The following PLCE1 variants were observed in gnomAD, a reference collection of about 807,000 sequenced individuals.
The protein encoded by PLCE1 is 1-phosphatidylinositol 4,5-bisphosphate phosphodiesterase epsilon-1.
A neutral mutation model predicts 242.8 loss-of-function variants in PLCE1; 119 were observed. The ratio of observed to expected loss-of-function variants is 0.49; its 90% CI spans 0.42 to 0.57. PLCE1 has a LOEUF of 0.57. Ranked by LOEUF, PLCE1 falls within the 20% of genes least tolerant of loss-of-function variation. PLCE1 has a pLI of 0.00. For synonymous variants in PLCE1, 945 were observed against 1,017.4 expected, an observed-to-expected ratio of 0.93 and a Z score of 1.35; for missense variants, 2,441 against 2,788.8, an observed-to-expected ratio of 0.88 and a Z score of 2.81.
chr10:94,087,582 G>T (rs1258869514), intron 2 of PLCE1, among the ~76,000 whole-genome samples: 1 of 151,760 alleles, frequency 6.6e-6, no homozygotes, highest in African/African-American at 2.4e-5. Flanking sequence ...GACTACAGGC[G>T]CACACCACCA....
chr10:94,137,402 T>C (rs2046816795), intron 3 of PLCE1, among the ~76,000 whole-genome samples: 1 of 152,122 alleles, frequency 6.6e-6, no homozygotes, highest in African/African-American at 2.4e-5. Flanking sequence ...AAGATAAAGT[T>C]AAAAGGGAGA....
intron 3 of PLCE1, among the ~76,000 whole-genome samples, chr10:94,160,617 A>G (rs2047579994): frequency 6.6e-6 from 1 of 152,106 alleles, no homozygotes; most frequent in Middle Eastern, 3.2e-3. Flanking sequence ...GAAGCTCTTT[A>G]GTTTAGTTAG....
chr10:94,044,572 C>G (rs1231060586), intron 2 of PLCE1, among the ~76,000 whole-genome samples: 1 of 152,258 alleles, frequency 6.6e-6, no homozygotes, highest in Non-Finnish European at 1.5e-5. Flanking sequence ...GGCCATGGCT[C>G]TCTTCAGTGT....
chr10:94,332,160 C>A lies in PLCE1; in HGVS notation c.*4217C>A, dbSNP rs1264422455. 1 of 152,334 alleles carries A rather than the reference C, an allele frequency of 6.6e-6. No homozygotes were observed. The highest frequency in any genetic ancestry group is 1.9e-4 in the East Asian group (1 of 5,190). 9.4% of individuals were successfully genotyped at this position (152,334 alleles called of 1,614,324 possible). On this transcript the variant is annotated 3_prime_UTR_variant, in exon 33 of 33. Transcript: ENST00000371380. ...CTGGGATTACAGGCGTGAGCCACCA[C>A]ACCTGGCCTACCTACTCTTATACAT...
In PLCE1 at chr10:94,213,100, A is replaced by G. The variant is rs556435963; in HGVS notation, c.1810-14206A>G. Among the ~76,000 whole-genome samples, 257 of 152,238 alleles carry G rather than the reference A, an allele frequency of 1.7e-3. 2 individuals are homozygous for G. Among genetic ancestry groups the G allele is most frequent in the Non-Finnish European group, 2.6e-3 (175 of 68,014 alleles). ...GTCTCAAGTTCCTTTGCTTTGCTCC[A>G]CCAGTGCGGTTACCACTCCCCAGTT... On this transcript the variant is annotated intron_variant, in intron 4 of 32. Coordinates refer to ENST00000371380, the MANE Select transcript of PLCE1 (RefSeq NM_016341.4).
At chr10:94,112,888 C>T (rs547967649) in intron 2 of PLCE1, among the ~76,000 whole-genome samples, 5 of 152,268 alleles carry the variant, frequency 3.3e-5, no homozygotes, top group African/African-American at 9.6e-5. Flanking sequence ...ATATTTAACT[C>T]GATCAACCCC....
chr10:94,085,104 C>T, intron 2 of PLCE1, among the ~76,000 whole-genome samples: 1 of 152,154 alleles, frequency 6.6e-6, no homozygotes, highest in Non-Finnish European at 1.5e-5. Context: ...GGACCAGTCA[C>T]TGTTCTAAGT....
intron 3 of PLCE1, among the ~76,000 whole-genome samples, chr10:94,149,727 T>C (rs748665610): frequency 2.0e-5 from 3 of 152,116 alleles, no homozygotes; most frequent in Non-Finnish European, 4.4e-5. Context: ...TTCCCTTCCA[T>C]AGAGAAAGTG....
At chr10:94,273,788 C>T in intron 19 of PLCE1, 68 bp downstream of exon 19, 1 of 1,401,364 alleles carries the variant, frequency 7.1e-7, no homozygotes, top group Non-Finnish European at 1.0e-6. Context: ...TAACATCATT[C>T]TAACCTTTCA....
chr10:94,123,935 A>C (rs952761745), intron 2 of PLCE1, among the ~76,000 whole-genome samples: 5 of 152,198 alleles, frequency 3.3e-5, no homozygotes, highest in African/African-American at 9.7e-5. Flanking sequence ...TAAGGGTGCT[A>C]TTAGAAGCAC....
In PLCE1 at chr10:94,294,122, A is replaced by G. The variant is rs183544517; in HGVS notation, c.5167+483A>G. 2.0e-3 allele frequency among the ~76,000 whole-genome samples: 307 copies of G among 152,262 alleles called. 4 individuals are homozygous for G. The highest frequency in any genetic ancestry group is 0.01 in the Middle Eastern group (3 of 294). On this transcript the variant is annotated intron_variant, in intron 23 of 32. Coordinates refer to ENST00000371380, the MANE Select transcript of PLCE1 (RefSeq NM_016341.4). The stretch of plus-strand genomic sequence containing the variant: ...ATTCTGTCTCAAAAAAATATTAAAA[A>G]ATTAAAAAATAAAAATAACATTTCA...
intron 2 of PLCE1, among the ~76,000 whole-genome samples, chr10:94,036,991 AAAAC>A (rs2061676822): frequency 1.3e-5 from 2 of 152,244 alleles, no homozygotes; most frequent in South Asian, 4.1e-4. Flanking sequence ...TAAAGAGTAA[AAAAC>A]AAAGAATAAA....
chr10:94,267,488 T>C (rs1399919599), intron 16 of PLCE1, among the ~76,000 whole-genome samples: 1 of 152,144 alleles, frequency 6.6e-6, no homozygotes, highest in African/African-American at 2.4e-5. Flanking sequence ...CCTTAGCCCT[T>C]CCTAATTACC....
At position 94,325,090 on chromosome 10, in the gene PLCE1, G is replaced by T. The variant is rs1276071983; in HGVS notation, c.*10G>T. 6.2e-7 allele frequency: 1 copy of T among 1,612,944 alleles called. No individual in the cohort carries two copies. The highest frequency in any genetic ancestry group is 8.5e-7 in the Non-Finnish European group (1 of 1,178,974). Reference sequence around the variant, plus strand: ...GGATTACCGACAGTGACTAAGGGCAGCATGTTTAACCCAGGTATAGTAAGT... The same window carrying T: ...GGATTACCGACAGTGACTAAGGGCATCATGTTTAACCCAGGTATAGTAAGT... On this transcript the variant is annotated 3_prime_UTR_variant, in exon 32 of 33. Transcript: ENST00000371380.
At chr10:94,047,080 T>C (rs1206204748) in intron 2 of PLCE1, among the ~76,000 whole-genome samples, 1 of 152,208 alleles carries the variant, frequency 6.6e-6, no homozygotes, top group East Asian at 1.9e-4. Context: ...CCAACTTTAG[T>C]GACACTGTTA....
chr10:94,309,913 C>A (rs1172095410), intron 27 of PLCE1, among the ~76,000 whole-genome samples: 1 of 152,088 alleles, frequency 6.6e-6, no homozygotes, highest in Admixed American at 6.5e-5. Context: ...ATAGTCCCAG[C>A]TACCTGGGAG....
chr10:94,258,729 G>A (rs1464697923), intron 11 of PLCE1, 71 bp from the exon 12 acceptor site: 7 of 1,600,820 alleles, frequency 4.4e-6, no homozygotes, highest in Non-Finnish European at 6.0e-6. Flanking sequence ...GCTAATTGGA[G>A]CAAGTCTGGT....
intron 2 of PLCE1, among the ~76,000 whole-genome samples, chr10:94,035,432 A>G (rs530630758): frequency 9.2e-5 from 14 of 152,256 alleles, no homozygotes; most frequent in African/African-American, 3.1e-4. Context: ...AAGGCCTGGG[A>G]TGGTTAATTT....
chr10:94,321,837 G>T, intron 29 of PLCE1, 64 bp from the exon 30 acceptor site: 1 of 1,283,556 alleles, frequency 7.8e-7, no homozygotes, highest in Non-Finnish European at 1.1e-6. Flanking sequence ...ATTTTTGCTA[G>T]ATTTGTCTTT....
Sources: allele counts gnomAD v4.1 joint callset (sites outside exome capture counted in the v4.1 genomes callset), GRCh38; gene constraint gnomAD v4.1.1; transcripts MANE v1.5; gene names NCBI Gene and HGNC (gene_info 2026-07-23, HGNC 2026-07-21).